PXT1: variants seen among roughly 807,000 people sequenced by gnomAD.
PXT1 encodes peroxisomal testis enriched protein 1, also known as peroxisomal testis-specific protein 1.
PXT1 carries 11 observed loss-of-function variants against 11.0 expected under a neutral mutation model. The observed-to-expected ratio is 1.00, with a 90% CI of 0.63 to 1.66. PXT1 has a LOEUF of 1.66. Among genes scored for constraint, PXT1 ranks in the 40% most tolerant of loss-of-function variants. The probability of loss-of-function intolerance (pLI) is 0.00; values close to 1 mark genes in which losing one functional copy is unlikely to be tolerated. For synonymous variants in PXT1, 43 were observed against 51.4 expected, an observed-to-expected ratio of 0.84 and a Z score of 0.70; for missense variants, 141 against 155.5, an observed-to-expected ratio of 0.91 and a Z score of 0.49.
At chr6:36,409,120 C>CCCCTAG (rs1774331158) in intron 3 of PXT1, among the ~76,000 whole-genome samples, 1 of 152,200 alleles carries the variant, frequency 6.6e-6, no homozygotes, top group East Asian at 1.9e-4. Context: ...TGATTTTGTT[C>CCCCTAG]ACTAAAAATA....
intron 3 of PXT1, among the ~76,000 whole-genome samples, chr6:36,401,930 T>C (rs983321314): frequency 2.0e-5 from 3 of 148,436 alleles, no homozygotes; most frequent in Non-Finnish European, 4.5e-5. Flanking sequence ...TTTGAATAAC[T>C]ATATATAAAA....
chr6:36,420,355 T>G (rs534800830), intron 3 of PXT1, among the ~76,000 whole-genome samples: 26 of 152,268 alleles, frequency 1.7e-4, no homozygotes, highest in African/African-American at 6.3e-4. Context: ...TAAAAAACAA[T>G]GAGGAAGTTA....
intron 3 of PXT1, among the ~76,000 whole-genome samples, chr6:36,421,263 A>G (rs1297793100): frequency 6.6e-6 from 1 of 152,044 alleles, no homozygotes; most frequent in Non-Finnish European, 1.5e-5. Flanking sequence ...AGGAGTTAAG[A>G]TGAGCCTGGG....
intron 1 of PXT1, among the ~76,000 whole-genome samples, chr6:36,439,606 C>A (rs1173307557): frequency 6.8e-6 from 1 of 146,102 alleles, no homozygotes; most frequent in Admixed American, 6.9e-5. Flanking sequence ...GAGGGAGACT[C>A]CATCTCAAAA....
chr6:36,431,774 A>C (rs1005870517), intron 2 of PXT1, among the ~76,000 whole-genome samples: 5 of 151,960 alleles, frequency 3.3e-5, no homozygotes, highest in South Asian at 4.2e-4. Flanking sequence ...TAAAAAATAT[A>C]TATCTATCTA....
chr6:36,430,876 G>A (rs971817452), intron 2 of PXT1, among the ~76,000 whole-genome samples: 5 of 151,974 alleles, frequency 3.3e-5, no homozygotes, highest in Admixed American at 1.3e-4. Context: ...GTGCAGTGCC[G>A]CGATCTTGGC....
intron 3 of PXT1, among the ~76,000 whole-genome samples, chr6:36,409,388 G>A: frequency 6.6e-6 from 1 of 152,202 alleles, no homozygotes; most frequent in Non-Finnish European, 1.5e-5. Flanking sequence ...CCTGATGCTT[G>A]GAAGCCCATC....
chr6:36,397,062 G>C (rs959917930), intron 4 of PXT1, among the ~76,000 whole-genome samples: 1 of 152,136 alleles, frequency 6.6e-6, no homozygotes, highest in Non-Finnish European at 1.5e-5. Context: ...TACCCACTGC[G>C]GATCTCCTCT....
At position 36,391,839 on chromosome 6, in the gene PXT1, A is replaced by C. The variant is rs200320092; in HGVS notation, c.336T>G (p.His112Gln). ...CTCTTCTAAAGAAAAAGAAGACAAA[A>C]TGATCTAGTGCATCTCTGCCATCCT... ...LQQDGRDALDHFVFFFFRRVQ... is the reference protein window; with the variant it reads ...LQQDGRDALDQFVFFFFRRVQ... The change falls in exon 5 of 5, where the codon CAT becomes CAG. Residue 112 changes from histidine (H) to glutamine (Q), a missense_variant. Coordinates refer to ENST00000454782, the MANE Select transcript of PXT1 (RefSeq NM_152990.4). The C allele has an allele frequency of 6.9e-5, 111 of 1,613,622 alleles. No individual in the cohort carries two copies. The highest frequency in any genetic ancestry group is 6.3e-5 in the Non-Finnish European group (74 of 1,179,574).
At chr6:36,399,702 T>C (rs1466013051) in intron 4 of PXT1, among the ~76,000 whole-genome samples, 1 of 152,172 alleles carries the variant, frequency 6.6e-6, no homozygotes, top group East Asian at 1.9e-4. Context: ...ACAAAGCCCA[T>C]GTAATCATTC....
intron 2 of PXT1, among the ~76,000 whole-genome samples, chr6:36,432,941 AAG>A (rs1295503721): frequency 6.6e-6 from 1 of 152,140 alleles, no homozygotes; most frequent in Non-Finnish European, 1.5e-5. Flanking sequence ...AAAAAAAAAA[AAG>A]GTACTTCTTA....
At chr6:36,437,158 G>A (rs1167451098) in intron 2 of PXT1, among the ~76,000 whole-genome samples, 1 of 151,898 alleles carries the variant, frequency 6.6e-6, no homozygotes, top group Non-Finnish European at 1.5e-5. Flanking sequence ...GTGGTGTCAC[G>A]GGCCTATAAT....
intron 3 of PXT1, among the ~76,000 whole-genome samples, chr6:36,408,305 C>T (rs1312909262): frequency 6.7e-6 from 1 of 148,358 alleles, no homozygotes; most frequent in African/African-American, 2.5e-5. Flanking sequence ...TATTGCCTCT[C>T]TCTGCTTCTC....
chr6:36,392,081 T>C, intron 4 of PXT1: 2 of 482,994 alleles, frequency 4.1e-6, no homozygotes, highest in Non-Finnish European at 7.3e-6. Flanking sequence ...TGGACATATT[T>C]TCCTATCTGA....
chr6:36,421,305 C>G (rs974527792), intron 3 of PXT1, among the ~76,000 whole-genome samples: 11 of 151,852 alleles, frequency 7.2e-5, no homozygotes, highest in African/African-American at 2.7e-4. Context: ...CTACAAAAAA[C>G]AAAAAATTAG....
At chr6:36,396,642 T>G in intron 4 of PXT1, among the ~76,000 whole-genome samples, 1 of 152,204 alleles carries the variant, frequency 6.6e-6, no homozygotes, top group East Asian at 1.9e-4. Context: ...GAGTGAGGAC[T>G]GGTGGTGCCT....
At chr6:36,407,492 A>G (rs1458269249) in intron 3 of PXT1, among the ~76,000 whole-genome samples, 1 of 152,200 alleles carries the variant, frequency 6.6e-6, no homozygotes, top group Non-Finnish European at 1.5e-5. Context: ...AGTTGTGGGA[A>G]TATGTATACA....
intron 3 of PXT1, among the ~76,000 whole-genome samples, chr6:36,402,795 G>A (rs1774232005): frequency 6.6e-6 from 1 of 152,130 alleles, no homozygotes; most frequent in African/African-American, 2.4e-5. Flanking sequence ...GAAGAGGCTT[G>A]AACTTTATCC....
intron 4 of PXT1, among the ~76,000 whole-genome samples, chr6:36,400,242 A>C (rs1427737079): frequency 6.6e-6 from 1 of 152,250 alleles, no homozygotes; most frequent in Non-Finnish European, 1.5e-5. Context: ...TGATGCTGCC[A>C]GTCCACAGAC....
Sources: gnomAD v4.1 joint callset for allele counts (sites outside exome capture counted in the v4.1 genomes callset) on GRCh38, gnomAD v4.1.1 for gene constraint, MANE v1.5 for transcripts, NCBI Gene and HGNC (gene_info 2026-07-23, HGNC 2026-07-21) for gene names.